LAYN: variants seen among roughly 807,000 people sequenced by gnomAD.
The protein encoded by LAYN is layilin.
Under a neutral mutation model 43.6 loss-of-function variants are expected in LAYN, and 38 were observed. The observed-to-expected ratio is 0.87, with a 90% CI of 0.67 to 1.14. The LOEUF (loss-of-function observed/expected upper bound fraction) is 1.14, where lower values mean the gene tolerates loss of function less well. Ranked by LOEUF, LAYN falls within the 50% of genes most tolerant of loss-of-function variation. LAYN has a pLI of 0.00. For missense variants in LAYN, 479 were observed against 463.8 expected (o/e 1.03, Z -0.30); for synonymous variants, 168 against 172.9 (o/e 0.97, Z 0.22).
chr11:111,552,882 A>G (rs1318665036), intron 3 of LAYN, among the ~76,000 whole-genome samples: 1 of 152,172 alleles, frequency 6.6e-6, no homozygotes, highest in Non-Finnish European at 1.5e-5. Context: ...TCCGCTACCT[A>G]GCACAGTTAT....
chr11:111,546,155 G>T (rs770268304), intron 2 of LAYN, among the ~76,000 whole-genome samples: 5 of 152,042 alleles, frequency 3.3e-5, no homozygotes, highest in South Asian at 2.1e-4. Context: ...CTTGTTCAGT[G>T]CCTCTTCTAA....
intron 1 of LAYN, among the ~76,000 whole-genome samples, chr11:111,543,404 T>C (rs905181760): frequency 9.2e-5 from 14 of 152,196 alleles, no homozygotes; most frequent in African/African-American, 3.4e-4. Flanking sequence ...GAAAACCCCG[T>C]GGATCTGATG....
Position 111,560,484 on chromosome 11 carries a change from A to T in LAYN, c.*26A>T. 6.3e-7 allele frequency: 1 copy of T among 1,581,268 alleles called. No individual in the cohort carries two copies. Among genetic ancestry groups the T allele is most frequent in the Non-Finnish European group, 8.6e-7 (1 of 1,165,162 alleles). On this transcript the variant is annotated 3_prime_UTR_variant, in exon 7 of 7. Coordinates refer to ENST00000375614, the MANE Select transcript of LAYN (RefSeq NM_178834.5). ...GACATATAAAAAACTGAAACTGACA[A>T]CAATGGAAAAGAAATGATAAGCAAA...
At chr11:111,553,206 G>A (rs998436148) in intron 3 of LAYN, among the ~76,000 whole-genome samples, 1 of 151,940 alleles carries the variant, frequency 6.6e-6, no homozygotes, top group Non-Finnish European at 1.5e-5. Flanking sequence ...TCGCGCCACT[G>A]GACTCTAGCC....
intron 1 of LAYN, 145 bp downstream of exon 1, chr11:111,541,073 T>A: frequency 1.3e-6 from 1 of 761,698 alleles, no homozygotes; most frequent in Non-Finnish European, 2.1e-6. Flanking sequence ...CGGAGTCTCT[T>A]GCGTTCTGGG....
chr11:111,551,479 T>C (rs974569481), intron 3 of LAYN: 1 of 454,766 alleles, frequency 2.2e-6, no homozygotes, highest in Non-Finnish European at 4.4e-6. Flanking sequence ...TGCCTGTTTT[T>C]GGCCACCCAT....
At chr11:111,546,321 A>G (rs1400941170) in intron 2 of LAYN, among the ~76,000 whole-genome samples, 1 of 152,072 alleles carries the variant, frequency 6.6e-6, no homozygotes, top group Non-Finnish European at 1.5e-5. Flanking sequence ...TGGGCATGCT[A>G]TTTACCTTAC....
At chr11:111,540,975 TG>T (rs1294899432) in intron 1 of LAYN, 47 bp downstream of exon 1, 1 of 1,482,536 alleles carries the variant, frequency 6.7e-7, no homozygotes, top group African/African-American at 1.4e-5. Flanking sequence ...GTGGGCTCAC[TG>T]CACCCCAGCT....
At chr11:111,558,774 A>AT (rs1867888332) in intron 6 of LAYN, among the ~76,000 whole-genome samples, 2 of 51,096 alleles carry the variant, frequency 3.9e-5, no homozygotes, top group African/African-American at 1.3e-4. Context: ...TTATTATTTT[A>AT]TTTAAAAAAA....
rs1867600878 is a variant in LAYN at position 111,544,108 on chromosome 11, C to T, written c.271C>T (p.Pro91Ser). The change falls in exon 2 of 7, where the codon CCA becomes TCA. Residue 91 changes from proline to serine, a missense_variant. Pro to Ser is a moderately conservative substitution (Grantham distance 74). Transcript: ENST00000375614. ...AGAAAAGTTCATTGAAAACCTCTTG[C>T]CATCTGATGGTGACTTCTGGATTGG... Reference protein sequence around the residue: ...LIEKFIENLLPSDGDFWIGLR... With the variant: ...LIEKFIENLLSSDGDFWIGLR... 6.2e-7 allele frequency: 1 copy of T among 1,614,164 alleles called. No homozygotes were observed. Among genetic ancestry groups the T allele is most frequent in the Admixed American group, 1.7e-5 (1 of 60,028 alleles).
intron 2 of LAYN, among the ~76,000 whole-genome samples, chr11:111,545,834 G>A (rs1403043102): frequency 6.6e-6 from 1 of 152,204 alleles, no homozygotes; most frequent in Non-Finnish European, 1.5e-5. Context: ...TGGAAACACA[G>A]GACTGTATAA....
At chr11:111,560,038 A>G (rs1417514087) in intron 6 of LAYN, 57 bp from the exon 7 acceptor site, 22 of 1,534,710 alleles carry the variant, frequency 1.4e-5, no homozygotes, top group Non-Finnish European at 1.7e-5. Flanking sequence ...AGGAAGCACA[A>G]GGGTATTCTC....
chr11:111,553,244 A>AAAATAAATAAAT (rs557098710), intron 3 of LAYN, among the ~76,000 whole-genome samples: 1 of 151,684 alleles, frequency 6.6e-6, no homozygotes, highest in African/African-American at 2.4e-5. Flanking sequence ...CTCCATCTCA[A>AAAATAAATAAAT]AAATAAATAA....
intron 2 of LAYN, among the ~76,000 whole-genome samples, chr11:111,548,330 C>T (rs112049220): frequency 0.014 from 2,120 of 152,268 alleles, 66 homozygotes; most frequent in African/African-American, 0.048. Context: ...GAAACCTGGC[C>T]TCTCTATCAG....
chr11:111,560,482 C>T lies in LAYN; in HGVS notation c.*24C>T, dbSNP rs1377487505. The T allele has an allele frequency of 3.8e-6, 6 of 1,582,510 alleles. No homozygotes were observed. The highest frequency in any genetic ancestry group is 4.3e-6 in the Non-Finnish European group (5 of 1,165,788). On this transcript the variant is annotated 3_prime_UTR_variant, in exon 7 of 7. Coordinates refer to ENST00000375614, the MANE Select transcript of LAYN (RefSeq NM_178834.5). ...AGGACATATAAAAAACTGAAACTGA[C>T]AACAATGGAAAAGAAATGATAAGCA...
chr11:111,551,008 C>G (rs1234472409), intron 3 of LAYN, among the ~76,000 whole-genome samples: 1 of 152,128 alleles, frequency 6.6e-6, no homozygotes, highest in African/African-American at 2.4e-5. Context: ...ATGGCACACA[C>G]AAAGGGTTTA....
intron 1 of LAYN, 117 bp from the exon 2 acceptor site, chr11:111,543,806 T>C: frequency 1.2e-6 from 1 of 812,094 alleles, no homozygotes; most frequent in East Asian, 2.6e-5. Context: ...GATAACAGTC[T>C]ACTGATGTGT....
chr11:111,554,253 C>G (rs1012212250), intron 3 of LAYN, among the ~76,000 whole-genome samples: 1 of 152,108 alleles, frequency 6.6e-6, no homozygotes, highest in Non-Finnish European at 1.5e-5. Flanking sequence ...AGCTGCATGA[C>G]GATACACAGG....
intron 2 of LAYN, among the ~76,000 whole-genome samples, chr11:111,548,235 G>A (rs1393076999): frequency 1.3e-5 from 2 of 152,162 alleles, no homozygotes; most frequent in Non-Finnish European, 2.9e-5. Context: ...GGTTACTGGA[G>A]GAAATAGCCA....
Sources: allele counts gnomAD v4.1 joint callset (sites outside exome capture counted in the v4.1 genomes callset), GRCh38; gene constraint gnomAD v4.1.1; transcripts MANE v1.5; gene names NCBI Gene and HGNC (gene_info 2026-07-23, HGNC 2026-07-21).